SPMAP2: variants seen among roughly 807,000 people sequenced by gnomAD.
SPMAP2 encodes the protein sperm microtubule associated protein 2.
At chr19:365,080 G>A in the SPMAP2 span, among the ~76,000 whole-genome samples, 9 of 152,224 alleles carry the variant, frequency 5.9e-5, no homozygotes, top group African/African-American at 2.2e-4. Flanking sequence ...GTGGCACGTG[G>A]CTGGGCAAGG....
the SPMAP2 span, chr19:374,161 C>T: frequency 3.3e-5 from 49 of 1,498,014 alleles, 1 homozygote; most frequent in African/African-American, 5.9e-4. Context: ...CTGGCCAACC[C>T]CACCTACCCT....
the SPMAP2 span, among the ~76,000 whole-genome samples, chr19:371,823 G>A: frequency 1.4e-4 from 22 of 152,216 alleles, no homozygotes; most frequent in Non-Finnish European, 2.6e-4. Flanking sequence ...GCCTCTGCTC[G>A]GAAATAAAGC....
the SPMAP2 span, chr19:375,774 G>C: frequency 2.5e-6 from 4 of 1,610,182 alleles, no homozygotes; most frequent in South Asian, 2.2e-5. Flanking sequence ...CACCTCCTCG[G>C]GGGGAAGCTC....
the SPMAP2 span, chr19:376,020 T>A: frequency 8.7e-6 from 12 of 1,377,638 alleles, no homozygotes; most frequent in Non-Finnish European, 1.1e-5. Flanking sequence ...GGCACCCAAA[T>A]GTGTCTGTGG....
At chr19:373,404 CG>C in the SPMAP2 span, 1 of 1,493,160 alleles carries the variant, frequency 6.7e-7, no homozygotes, top group Non-Finnish European at 9.3e-7. Flanking sequence ...CTAGATGGGG[CG>C]GGGCAGGTTC....
At chr19:367,258 A>T in the SPMAP2 span, 1 of 1,561,820 alleles carries the variant, frequency 6.4e-7, no homozygotes, top group Non-Finnish European at 8.6e-7. Flanking sequence ...GGTTACGTGA[A>T]ACAGTCCATG....
chr19:367,894 T>C, the SPMAP2 span, among the ~76,000 whole-genome samples: 100 of 152,152 alleles, frequency 6.6e-4, no homozygotes, highest in African/African-American at 2.3e-3. Context: ...TTGGCACAAA[T>C]TGCTCTAGAA....
At chr19:367,015 G>T in the SPMAP2 span, 11 of 1,590,228 alleles carry the variant, frequency 6.9e-6, no homozygotes, top group Non-Finnish European at 9.4e-6. Context: ...GGTGTCCCTT[G>T]GGATCTGAAC....
At chr19:366,637 A>C in the SPMAP2 span, among the ~76,000 whole-genome samples, 1 of 152,216 alleles carries the variant, frequency 6.6e-6, no homozygotes, top group Non-Finnish European at 1.5e-5. Flanking sequence ...GCTGCTCCCA[A>C]TCTACAACTC....
the SPMAP2 span, chr19:371,134 G>T: frequency 1.1e-6 from 1 of 906,640 alleles, no homozygotes; most frequent in Non-Finnish European, 1.6e-6. Flanking sequence ...CAAACGCAAA[G>T]CCTCTTTCAC....
chr19:375,652 C>T, the SPMAP2 span: 2 of 1,540,828 alleles, frequency 1.3e-6, no homozygotes, highest in Admixed American at 1.9e-5. Context: ...GGCCCGTTCC[C>T]CGGTGCCCAC....
At chr19:362,042 TG>T in the SPMAP2 span, 1 of 476,960 alleles carries the variant, frequency 2.1e-6, no homozygotes, top group Non-Finnish European at 3.6e-6. Context: ...AATAAACAGC[TG>T]GACAAGTCGC....
At chr19:366,928 G>T in the SPMAP2 span, 1 of 1,021,152 alleles carries the variant, frequency 9.8e-7, no homozygotes, top group Non-Finnish European at 1.4e-6. Context: ...TCTGCTTCCG[G>T]ACCACACGTC....
chr19:371,287 A>C, the SPMAP2 span: 1 of 1,502,782 alleles, frequency 6.7e-7, no homozygotes, highest in South Asian at 1.3e-5. Context: ...TCTGTATTCC[A>C]GGGAGGACCG....
chr19:373,826 C>A, the SPMAP2 span: 1 of 1,032,996 alleles, frequency 9.7e-7, no homozygotes, highest in Non-Finnish European at 1.5e-6. Context: ...ATCTGAGGAG[C>A]CCTCCCTGAT....
chr19:365,560 C>T, the SPMAP2 span, among the ~76,000 whole-genome samples: 224 of 125,610 alleles, frequency 1.8e-3, 3 homozygotes, highest in African/African-American at 5.7e-3. Flanking sequence ...GCCACACACT[C>T]GCTCTTACCC....
At chr19:369,046 T>C in the SPMAP2 span, among the ~76,000 whole-genome samples, 2 of 152,170 alleles carry the variant, frequency 1.3e-5, no homozygotes, top group Non-Finnish European at 2.9e-5. Flanking sequence ...GTGTGATCAG[T>C]GTTACTGGGT....
the SPMAP2 span, chr19:371,168 T>A: frequency 7.8e-7 from 1 of 1,274,080 alleles, no homozygotes; most frequent in Non-Finnish European, 1.1e-6. Context: ...CCAGCCCGCC[T>A]GGCGGGGGTG....
At chr19:364,299 T>A in the SPMAP2 span, among the ~76,000 whole-genome samples, 1 of 130,236 alleles carries the variant, frequency 7.7e-6, no homozygotes. Flanking sequence ...ATCGCGCCAC[T>A]GCGCTCCAGC....
Sources: allele counts gnomAD v4.1 joint callset (sites outside exome capture counted in the v4.1 genomes callset), GRCh38; gene constraint gnomAD v4.1.1; transcripts MANE v1.5; gene names NCBI Gene and HGNC (gene_info 2026-07-23, HGNC 2026-07-21).